The following SGCZ variants were observed in gnomAD, a reference collection of about 807,000 sequenced individuals.
SGCZ encodes the protein sarcoglycan zeta.
In SGCZ, 40 loss-of-function variants were observed where a neutral mutation model predicts 41.3. The observed-to-expected ratio is 0.97, with a 90% CI of 0.75 to 1.26. SGCZ has a LOEUF of 1.26. SGCZ is among the 50% of genes most tolerant of loss of function. The pLI, the probability that SGCZ is intolerant of heterozygous loss-of-function variation, is 0.00. For synonymous variants in SGCZ, 206 were observed against 137.5 expected, an observed-to-expected ratio of 1.50 and a Z score of -3.49; for missense variants, 552 against 369.8, an observed-to-expected ratio of 1.49 and a Z score of -4.04.
intron 5 of SGCZ, among the ~76,000 whole-genome samples, chr8:14,145,546 A>G (rs111397951): frequency 6.6e-6 from 1 of 152,234 alleles, no homozygotes; most frequent in Non-Finnish European, 1.5e-5. Flanking sequence ...AACATTGTTA[A>G]TATCAACACT....
At chr8:14,837,379 A>G (rs1483725402) in intron 1 of SGCZ, among the ~76,000 whole-genome samples, 1 of 152,234 alleles carries the variant, frequency 6.6e-6, no homozygotes, top group Admixed American at 6.5e-5. Context: ...TAGTGTTTCC[A>G]AGGAATCGTA....
intron 1 of SGCZ, among the ~76,000 whole-genome samples, chr8:14,774,404 T>C (rs1800339085): frequency 6.6e-6 from 1 of 152,206 alleles, no homozygotes; most frequent in Non-Finnish European, 1.5e-5. Flanking sequence ...CAACAGGCTA[T>C]CATCATGTAG....
At chr8:15,053,906 C>T (rs1203789790) in intron 1 of SGCZ, among the ~76,000 whole-genome samples, 1 of 152,120 alleles carries the variant, frequency 6.6e-6, no homozygotes, top group African/African-American at 2.4e-5. Context: ...CACCAAAACC[C>T]AAAATCCCCC....
chr8:14,256,720 C>A (rs556946221), intron 3 of SGCZ, among the ~76,000 whole-genome samples: 3 of 152,190 alleles, frequency 2.0e-5, no homozygotes, highest in Non-Finnish European at 2.9e-5. Flanking sequence ...CCTAGTGTAC[C>A]TTATAATCTG....
chr8:14,237,546 A>C (rs1274178994), intron 4 of SGCZ, 46 bp downstream of exon 4: 3 of 1,551,704 alleles, frequency 1.9e-6, no homozygotes, highest in Non-Finnish European at 1.8e-6. Context: ...ACAACAACAA[A>C]AAAAACCAAG....
intron 1 of SGCZ, among the ~76,000 whole-genome samples, chr8:14,869,241 C>A (rs868404953): frequency 1.3e-5 from 2 of 152,200 alleles, no homozygotes; most frequent in Middle Eastern, 3.4e-3. Flanking sequence ...GTATCCACCA[C>A]GATTAAGTTG....
intron 5 of SGCZ, among the ~76,000 whole-genome samples, chr8:14,110,967 T>G: frequency 6.6e-6 from 1 of 152,006 alleles, no homozygotes; most frequent in East Asian, 1.9e-4. Context: ...GGCAGGAGAA[T>G]AGTTTGAACC....
intron 3 of SGCZ, among the ~76,000 whole-genome samples, chr8:14,247,987 C>T (rs1380101491): frequency 6.6e-6 from 1 of 152,146 alleles, no homozygotes; most frequent in Non-Finnish European, 1.5e-5. Flanking sequence ...AAGCAAACGA[C>T]TAAGGTAAAG....
At chr8:14,346,485 A>T (rs1470134009) in intron 2 of SGCZ, among the ~76,000 whole-genome samples, 2 of 152,092 alleles carry the variant, frequency 1.3e-5, no homozygotes, top group Non-Finnish European at 2.9e-5. Flanking sequence ...TTAGGATACT[A>T]AGGAGGCTGG....
intron 4 of SGCZ, among the ~76,000 whole-genome samples, chr8:14,172,843 G>A (rs1241371479): frequency 1.3e-5 from 2 of 152,136 alleles, no homozygotes; most frequent in African/African-American, 2.4e-5. Context: ...ACTTATAGGA[G>A]CACTCTTCAA....
In SGCZ at chr8:14,775,709, A is replaced by C. The variant is rs188188758; in HGVS notation, c.40-220783T>G. Among the ~76,000 whole-genome samples, 769 of 152,292 alleles carry C rather than the reference A, an allele frequency of 5.0e-3. 3 individuals carry two copies. Among genetic ancestry groups the C allele is most frequent in the African/African-American group, 0.017 (711 of 41,564 alleles). On this transcript the variant is annotated intron_variant, in intron 1 of 7. Coordinates refer to ENST00000382080, the MANE Select transcript of SGCZ (RefSeq NM_139167.4). ...TTATATGCAAAATTTCAAGTGAAAA[A>C]GATGTGAAGTCATTTTGAAAAGAAA... is the stretch of plus-strand genomic sequence containing the variant.
At chr8:14,987,109 A>T (rs996027315) in intron 1 of SGCZ, among the ~76,000 whole-genome samples, 2 of 151,944 alleles carry the variant, frequency 1.3e-5, no homozygotes, top group African/African-American at 4.8e-5. Flanking sequence ...AAGAAGAAAC[A>T]TTATTTAAAA....
intron 1 of SGCZ, among the ~76,000 whole-genome samples, chr8:15,142,815 T>G (rs1798928451): frequency 6.6e-6 from 1 of 152,160 alleles, no homozygotes; most frequent in Non-Finnish European, 1.5e-5. Flanking sequence ...TTTGCCATGT[T>G]GCCCAGGCTG....
intron 1 of SGCZ, among the ~76,000 whole-genome samples, chr8:14,755,054 G>C (rs1471241041): frequency 6.6e-6 from 1 of 151,882 alleles, no homozygotes. Flanking sequence ...TAGTTTTAAT[G>C]GTAGTTTTTA....
chr8:14,969,374 T>C (rs1431965251), intron 1 of SGCZ, among the ~76,000 whole-genome samples: 1 of 152,158 alleles, frequency 6.6e-6, no homozygotes, highest in Non-Finnish European at 1.5e-5. Flanking sequence ...TATTGACTTG[T>C]AATTGATATA....
intron 4 of SGCZ, among the ~76,000 whole-genome samples, chr8:14,230,059 A>G (rs145842363): frequency 2.0e-4 from 31 of 152,298 alleles, no homozygotes; most frequent in African/African-American, 7.2e-4. Context: ...TGCACAAAAT[A>G]CGTGCCTATG....
chr8:14,760,120 T>C (rs913182762), intron 1 of SGCZ, among the ~76,000 whole-genome samples: 1 of 152,176 alleles, frequency 6.6e-6, no homozygotes, highest in Admixed American at 6.6e-5. Flanking sequence ...TCCACAGTTA[T>C]GCGTTTCAAC....
At chr8:14,345,540 T>C (rs760178255) in intron 2 of SGCZ, among the ~76,000 whole-genome samples, 1 of 152,156 alleles carries the variant, frequency 6.6e-6, no homozygotes, top group Non-Finnish European at 1.5e-5. Context: ...TCTGTTTTCC[T>C]TACGAAGAGA....
In SGCZ at chr8:15,015,283, T is replaced by C. The variant is rs574314312; in HGVS notation, c.39+222302A>G. Reference sequence around the variant, plus strand: ...TGAAGAAGTCTATTGGGATAAAGTGTTTATAATTAGACTTAGAAATCTTCT... The same window carrying C: ...TGAAGAAGTCTATTGGGATAAAGTGCTTATAATTAGACTTAGAAATCTTCT... On this transcript the variant is annotated intron_variant, in intron 1 of 7. Coordinates refer to ENST00000382080, the MANE Select transcript of SGCZ (RefSeq NM_139167.4). Among the ~76,000 whole-genome samples the C allele has an allele frequency of 3.4e-4, 52 of 151,962 alleles. 1 individual carries two copies. Among genetic ancestry groups the C allele is most frequent in the African/African-American group, 1.2e-3 (50 of 41,472 alleles).
Sources: gnomAD v4.1 joint callset for allele counts (sites outside exome capture counted in the v4.1 genomes callset) on GRCh38, gnomAD v4.1.1 for gene constraint, MANE v1.5 for transcripts, NCBI Gene and HGNC (gene_info 2026-07-23, HGNC 2026-07-21) for gene names.